Variants in DNAH3 observed in about 807,000 individuals in gnomAD.
DNAH3 encodes dynein axonemal heavy chain 3, also known as axonemal beta dynein heavy chain 3.
A neutral mutation model predicts 432.5 loss-of-function variants in DNAH3; 332 were observed. The ratio of observed to expected loss-of-function variants is 0.77; its 90% CI spans 0.70 to 0.84. DNAH3 has a LOEUF of 0.84. Among genes scored for constraint, DNAH3 ranks in the 40% least tolerant of loss-of-function variants. The probability of loss-of-function intolerance (pLI) is 0.00; values close to 1 mark genes in which losing one functional copy is unlikely to be tolerated. For synonymous variants in DNAH3, 1,956 were observed against 1,900.2 expected (o/e 1.03, Z -0.76); for missense variants, 4,861 against 5,114.0 (o/e 0.95, Z 1.51).
At chr16:21,074,974 A>G (rs971412905) in intron 21 of DNAH3, among the ~76,000 whole-genome samples, 2 of 152,188 alleles carry the variant, frequency 1.3e-5, no homozygotes. Flanking sequence ...AAATTGATCA[A>G]TATTATCTGG....
At chr16:21,024,047 T>C (rs2088405375) in intron 39 of DNAH3, among the ~76,000 whole-genome samples, 1 of 151,870 alleles carries the variant, frequency 6.6e-6, no homozygotes, top group Non-Finnish European at 1.5e-5. Flanking sequence ...TGCTTCCGGG[T>C]CTGAGAGTGT....
chr16:21,057,720 A>G (rs116461588), intron 27 of DNAH3, among the ~76,000 whole-genome samples: 3,500 of 152,194 alleles, frequency 0.023, 104 homozygotes, highest in African/African-American at 0.065. Context: ...GGGTGATGAG[A>G]AGGAGGCTGT....
exon 2 of DNAH3, chr16:21,145,986 G>C (rs745473531): frequency 1.2e-6 from 2 of 1,605,822 alleles, no homozygotes; most frequent in Non-Finnish European, 1.7e-6. Context: ...GTGCATACCT[G>C]ATAGAGTCCA....
intron 28 of DNAH3, among the ~76,000 whole-genome samples, chr16:21,052,095 G>A (rs1293086040): frequency 6.6e-6 from 1 of 152,134 alleles, no homozygotes; most frequent in South Asian, 2.1e-4. Context: ...GGGTTCAAGC[G>A]ATTCTCCTGC....
At chr16:21,015,085 A>C (rs550823303) in intron 41 of DNAH3, among the ~76,000 whole-genome samples, 1 of 152,246 alleles carries the variant, frequency 6.6e-6, no homozygotes, top group Non-Finnish European at 1.5e-5. Flanking sequence ...TAAATGAATT[A>C]ATGGAAAAGT....
At chr16:21,153,571 A>G (rs1329687083) in intron 1 of DNAH3, among the ~76,000 whole-genome samples, 1 of 152,166 alleles carries the variant, frequency 6.6e-6, no homozygotes, top group Non-Finnish European at 1.5e-5. Flanking sequence ...ATCCCCTTCT[A>G]CAACGTGGAA....
At chr16:21,068,212 C>T (rs2090640875) in intron 23 of DNAH3, among the ~76,000 whole-genome samples, 1 of 152,132 alleles carries the variant, frequency 6.6e-6, no homozygotes, top group Non-Finnish European at 1.5e-5. Flanking sequence ...AACTTACCAT[C>T]CTTCAAGGCT....
intron 55 of DNAH3, among the ~76,000 whole-genome samples, chr16:20,952,905 A>G (rs971812976): frequency 1.3e-5 from 2 of 152,172 alleles, no homozygotes; most frequent in Non-Finnish European, 2.9e-5. Context: ...AGGAGCTACG[A>G]CTGGGCAACA....
chr16:21,111,811 A>G lies in DNAH3; in HGVS notation c.1921-7T>C, dbSNP rs1260380486. The G allele has an allele frequency of 1.2e-6, 2 of 1,611,508 alleles. No homozygotes were observed. Among genetic ancestry groups the G allele is most frequent in the Admixed American group, 1.7e-5 (1 of 59,958 alleles). ...TCTTTATGGCATTGATCTTCTGCAGAAAGGAGCACATTCAGTAGCTTGATT... is the reference window on the plus strand; with the variant it reads ...TCTTTATGGCATTGATCTTCTGCAGGAAGGAGCACATTCAGTAGCTTGATT... On this transcript the variant is annotated splice_region_variant and splice_polypyrimidine_tract_variant and intron_variant, in intron 13 of 61. Coordinates refer to ENST00000261383, the Ensembl canonical transcript of DNAH3.
At chr16:21,138,819 A>AC (rs2092679547) in intron 5 of DNAH3, among the ~76,000 whole-genome samples, 1 of 151,516 alleles carries the variant, frequency 6.6e-6, no homozygotes, top group Admixed American at 6.6e-5. Context: ...AATAAAAAAA[A>AC]AAAACAACAC....
At chr16:20,996,812 A>G in intron 44 of DNAH3, 1 of 158,024 alleles carries the variant, frequency 6.3e-6, no homozygotes, top group African/African-American at 2.4e-5. Flanking sequence ...ACAGATCTAT[A>G]GGACTGGGTG....
rs56049638 is a variant in DNAH3, at chr16:21,020,397, A to ATT, written c.5777-530_5777-529dup. ...TCACTATATATATATATATATATAT[A>ATT]TTTTTTTTTTTTTTTTTTTTTTTGA... On this transcript the variant is annotated intron_variant, in intron 40 of 61. Transcript: ENST00000261383. Among the ~76,000 whole-genome samples, 20 of 34,594 alleles carry ATT rather than the reference A, an allele frequency of 5.8e-4. 1 individual carries two copies. The highest frequency in any genetic ancestry group is 1.7e-3 in the East Asian group (1 of 580). 22.7% of individuals were successfully genotyped at this position (34,594 alleles called of 152,430 possible).
chr16:21,156,294 C>T (rs533186489), intron 1 of DNAH3, among the ~76,000 whole-genome samples: 194 of 151,154 alleles, frequency 1.3e-3, no homozygotes, highest in Non-Finnish European at 1.8e-3. Flanking sequence ...TGCAGTGGTG[C>T]AATCTCAGCT....
chr16:21,139,319 G>GTTTTTTTTTTTT (rs2092686839), intron 5 of DNAH3, among the ~76,000 whole-genome samples: 1 of 32,774 alleles, frequency 3.1e-5, no homozygotes, highest in Admixed American at 4.4e-4. Flanking sequence ...CTTTCCTCAT[G>GTTTTTTTTTTTT]CTTTTTTTTT....
exon 50 of DNAH3, chr16:20,979,455 G>A (rs574123353): frequency 6.2e-7 from 1 of 1,614,092 alleles, no homozygotes; most frequent in Non-Finnish European, 8.5e-7. Flanking sequence ...TAGGAGGTGG[G>A]GGTAACATAG....
At chr16:20,941,296 G>A in intron 59 of DNAH3, 105 bp downstream of exon 59, 2 of 1,428,288 alleles carry the variant, frequency 1.4e-6, no homozygotes, top group South Asian at 2.6e-5. Flanking sequence ...ATACGGGTGG[G>A]GCAAACCACT....
intron 41 of DNAH3, among the ~76,000 whole-genome samples, chr16:21,014,099 C>T (rs529696812): frequency 4.6e-5 from 7 of 152,226 alleles, no homozygotes; most frequent in Middle Eastern, 3.4e-3. Flanking sequence ...GCCAGCATTA[C>T]GCTAATACCA....
chr16:20,952,243 T>C (rs2084348880), intron 56 of DNAH3, among the ~76,000 whole-genome samples, 190 bp downstream of exon 56: 1 of 152,262 alleles, frequency 6.6e-6, no homozygotes, highest in South Asian at 2.1e-4. Flanking sequence ...AGGGTAAAGA[T>C]TCTATCTTAA....
At chr16:21,059,004 T>A (rs2090241823) in intron 26 of DNAH3, among the ~76,000 whole-genome samples, 1 of 151,830 alleles carries the variant, frequency 6.6e-6, no homozygotes, top group African/African-American at 2.4e-5. Context: ...TAAAGTAAAA[T>A]AAAATAAAAT....
Sources: gnomAD v4.1 joint callset for allele counts (sites outside exome capture counted in the v4.1 genomes callset) on GRCh38, gnomAD v4.1.1 for gene constraint, MANE v1.5 for transcripts, NCBI Gene and HGNC (gene_info 2026-07-23, HGNC 2026-07-21) for gene names.